SLC38A1: variants seen among roughly 807,000 people sequenced by gnomAD.
SLC38A1 encodes solute carrier family 38 member 1.
Under a neutral mutation model 60.3 loss-of-function variants are expected in SLC38A1, and 18 were observed. The observed-to-expected ratio is 0.30, with a 90% CI of 0.21 to 0.44. SLC38A1 has a LOEUF of 0.44. Ranked by LOEUF, SLC38A1 falls within the 20% of genes least tolerant of loss-of-function variation. The pLI, the probability that SLC38A1 is intolerant of heterozygous loss-of-function variation, is 1.00. For missense variants in SLC38A1, 448 were observed against 587.2 expected (o/e 0.76, Z 2.45); for synonymous variants, 196 against 212.1 (o/e 0.92, Z 0.66).
intron 5 of SLC38A1, among the ~76,000 whole-genome samples, chr12:46,211,408 A>T (rs1450220580): frequency 1.3e-5 from 2 of 152,218 alleles, no homozygotes; most frequent in Non-Finnish European, 2.9e-5. Flanking sequence ...GGGGATAATT[A>T]TGAATATCTA....
In SLC38A1 at chr12:46,217,866, T is replaced by C. The variant is rs976464222; in HGVS notation, c.315-8739A>G. Among the ~76,000 whole-genome samples, 13 of 151,970 alleles carry C rather than the reference T, an allele frequency of 8.6e-5. No homozygotes were observed. In the East Asian group the frequency reaches 1.5e-3, roughly 18 times the overall value. On this transcript the variant is annotated intron_variant, in intron 5 of 16. Coordinates refer to ENST00000398637, the MANE Select transcript of SLC38A1 (RefSeq NM_030674.4). ...GAGAGCAATTATTTGTACCGTTCTT[T>C]CCATTTCTTTCCTTGTAGGTAAATC...
chr12:46,237,625 G>A (rs956787646), intron 3 of SLC38A1, among the ~76,000 whole-genome samples: 2 of 151,862 alleles, frequency 1.3e-5, no homozygotes, highest in African/African-American at 4.9e-5. Context: ...AGGTGCCTAA[G>A]TTGCGGGTGA....
chr12:46,224,295 G>C (rs942962702), intron 5 of SLC38A1, among the ~76,000 whole-genome samples: 1 of 152,006 alleles, frequency 6.6e-6, no homozygotes, highest in Admixed American at 6.6e-5. Context: ...ATGATAAATC[G>C]AGAGTGCCCA....
chr12:46,186,749 G>A lies in SLC38A1; in HGVS notation c.*2221C>T, dbSNP rs1938950265. Reference sequence around the variant, plus strand: ...CTTGTATTGACACATGAAACCCAGAGGCCCAAAAATATCACTACACATCCC... The same window carrying A: ...CTTGTATTGACACATGAAACCCAGAAGCCCAAAAATATCACTACACATCCC... On this transcript the variant is annotated 3_prime_UTR_variant, in exon 17 of 17. Transcript: ENST00000398637. 1 of 152,074 alleles carries A rather than the reference G, an allele frequency of 6.6e-6. No individual in the cohort carries two copies. Among genetic ancestry groups the A allele is most frequent in the South Asian group, 2.1e-4 (1 of 4,826 alleles). The allele number at this position is 152,074 out of a possible 1,614,324, so 9.4% of individuals were successfully genotyped here. A position where few individuals can be genotyped will look rare whatever the true frequency, so the allele number is the denominator to read the frequency against.
chr12:46,257,252 A>G (rs1224269816), intron 1 of SLC38A1, among the ~76,000 whole-genome samples: 1 of 152,178 alleles, frequency 6.6e-6, no homozygotes, highest in African/African-American at 2.4e-5. Flanking sequence ...TAATCCAAAG[A>G]GAATAGCAGT....
At chr12:46,203,374 C>A (rs1053656997) in intron 11 of SLC38A1, among the ~76,000 whole-genome samples, 2 of 152,062 alleles carry the variant, frequency 1.3e-5, no homozygotes, top group African/African-American at 4.8e-5. Flanking sequence ...ACAGCATGAG[C>A]CAGTTACATG....
At chr12:46,229,343 C>A (rs1180446445) in intron 4 of SLC38A1, 75 bp from the exon 5 acceptor site, 2 of 1,015,172 alleles carry the variant, frequency 2.0e-6, no homozygotes, top group East Asian at 5.0e-5. Flanking sequence ...GCCTTTAATG[C>A]ACTCTCAGGA....
chr12:46,191,344 G>A lies in SLC38A1; in HGVS notation c.1363-2273C>T, dbSNP rs868562972. Among the ~76,000 whole-genome samples the A allele has an allele frequency of 7.2e-5, 11 of 152,270 alleles. No individual in the cohort carries two copies. The Middle Eastern group carries it at 0.014, about 188-fold the overall frequency. ...CTGTTTTCGTTACTGTAGCCTTGTAGTACAGTTTGAAGTCAGGTAGCATGA... is the reference window on the plus strand; with the variant it reads ...CTGTTTTCGTTACTGTAGCCTTGTAATACAGTTTGAAGTCAGGTAGCATGA... On this transcript the variant is annotated intron_variant, in intron 16 of 16. Transcript: ENST00000398637.
chr12:46,241,428 AAT>A (rs1383740069), intron 2 of SLC38A1, among the ~76,000 whole-genome samples: 1 of 152,180 alleles, frequency 6.6e-6, no homozygotes, highest in African/African-American at 2.4e-5. Context: ...TCCTATCTAG[AAT>A]AAAACTTCCC....
At chr12:46,200,354 G>A (rs879372613) in intron 13 of SLC38A1, among the ~76,000 whole-genome samples, 3 of 151,530 alleles carry the variant, frequency 2.0e-5, no homozygotes, top group Non-Finnish European at 2.9e-5. Context: ...TAGTAGAGAA[G>A]ATTGTGAAAT....
At chr12:46,194,600 G>T (rs1435759073) in intron 16 of SLC38A1, among the ~76,000 whole-genome samples, 1 of 152,116 alleles carries the variant, frequency 6.6e-6, no homozygotes, top group African/African-American at 2.4e-5. Flanking sequence ...TTTTCACATA[G>T]TCCCATATTT....
In SLC38A1 at chr12:46,188,013, T is replaced by A. The variant is rs920687517; in HGVS notation, c.*957A>T. 2 of 152,114 alleles carry A rather than the reference T, an allele frequency of 1.3e-5. No individual in the cohort carries two copies. The highest frequency in any genetic ancestry group is 4.8e-5 in the African/African-American group (2 of 41,428). 9.4% of individuals were successfully genotyped at this position (152,114 alleles called of 1,614,324 possible). A position where few individuals can be genotyped will look rare whatever the true frequency, so the allele number is the denominator to read the frequency against. On this transcript the variant is annotated 3_prime_UTR_variant, in exon 17 of 17. Coordinates refer to ENST00000398637, the MANE Select transcript of SLC38A1 (RefSeq NM_030674.4). ...TCTCTGTGCAACTAGCTGGTGGACATGAATAAAAGCTGCTGGGCCTATAAT... is the reference window on the plus strand; with the variant it reads ...TCTCTGTGCAACTAGCTGGTGGACAAGAATAAAAGCTGCTGGGCCTATAAT...
Position 46,186,661 on chromosome 12 carries a change from T to A in SLC38A1, c.*2309A>T, listed in dbSNP as rs1938947010. On this transcript the variant is annotated 3_prime_UTR_variant, in exon 17 of 17. Coordinates refer to ENST00000398637, the MANE Select transcript of SLC38A1 (RefSeq NM_030674.4). ...ATACAAAGGTTTTTAAAAATATGGG[T>A]GGTGTCACACAGATCAACAACACTG... 1 of 152,178 alleles carries A rather than the reference T, an allele frequency of 6.6e-6. No individual in the cohort carries two copies. The highest frequency in any genetic ancestry group is 2.4e-5 in the African/African-American group (1 of 41,434). The allele number at this position is 152,178 out of a possible 1,614,324, so 9.4% of individuals were successfully genotyped here. A position where few individuals can be genotyped will look rare whatever the true frequency, so the allele number is the denominator to read the frequency against.
intron 3 of SLC38A1, among the ~76,000 whole-genome samples, chr12:46,230,914 G>A (rs528046397): frequency 6.6e-6 from 1 of 152,204 alleles, no homozygotes; most frequent in East Asian, 1.9e-4. Flanking sequence ...ACTAAAAATA[G>A]AACACCATTC....
intron 8 of SLC38A1, among the ~76,000 whole-genome samples, chr12:46,206,395 A>G (rs1939904001): frequency 6.7e-6 from 1 of 149,490 alleles, no homozygotes; most frequent in African/African-American, 2.5e-5. Flanking sequence ...TTTTTTTCCC[A>G]TTGGCTAAAT....
chr12:46,215,193 C>CA (rs989767570), intron 5 of SLC38A1, among the ~76,000 whole-genome samples: 1 of 152,206 alleles, frequency 6.6e-6, no homozygotes, highest in African/African-American at 2.4e-5. Flanking sequence ...TTTCTCACCA[C>CA]ACTGTGCTGT....
intron 1 of SLC38A1, among the ~76,000 whole-genome samples, chr12:46,251,634 T>G (rs1049699629): frequency 1.3e-5 from 2 of 152,020 alleles, no homozygotes; most frequent in Non-Finnish European, 2.9e-5. Context: ...TTAAATAAAT[T>G]TTCAAGAAAA....
At chr12:46,234,300 A>C (rs1266647514) in intron 3 of SLC38A1, among the ~76,000 whole-genome samples, 1 of 152,206 alleles carries the variant, frequency 6.6e-6, no homozygotes, top group Non-Finnish European at 1.5e-5. Context: ...TCTGTTTAGA[A>C]ATTAGGGAGT....
At chr12:46,247,868 G>C (rs919005054) in intron 1 of SLC38A1, among the ~76,000 whole-genome samples, 3 of 152,206 alleles carry the variant, frequency 2.0e-5, no homozygotes, top group Non-Finnish European at 4.4e-5. Context: ...AGAAGAGAGT[G>C]GGGGCCAACA....
Sources: gnomAD v4.1 joint callset for allele counts (sites outside exome capture counted in the v4.1 genomes callset) on GRCh38, gnomAD v4.1.1 for gene constraint, MANE v1.5 for transcripts, NCBI Gene and HGNC (gene_info 2026-07-23, HGNC 2026-07-21) for gene names.